PTK7: variants seen among roughly 807,000 people sequenced by gnomAD.
PTK7 encodes the protein inactive tyrosine-protein kinase 7.
PTK7 carries 39 observed loss-of-function variants against 116.6 expected under a neutral mutation model. The observed-to-expected ratio is 0.33, with a 90% CI of 0.26 to 0.44. PTK7 has a LOEUF of 0.44. Among genes scored for constraint, PTK7 ranks in the 20% least tolerant of loss-of-function variants. The pLI is 1.00. For missense variants in PTK7, 1,169 were observed against 1,425.6 expected (o/e 0.82, Z 2.90); for synonymous variants, 546 against 563.6 (o/e 0.97, Z 0.44).
intron 15 of PTK7, chr6:43,144,871 T>G (rs955871353): frequency 1.3e-4 from 54 of 426,770 alleles, no homozygotes; most frequent in African/African-American, 1.1e-3. Context: ...AAAAACTAAG[T>G]TACCATTGTT....
rs1275587005 is a variant in PTK7, at chr6:43,143,653, T to C, written c.2251+33T>C. The C allele has an allele frequency of 1.9e-6, 3 of 1,595,090 alleles. No homozygotes were observed. Among genetic ancestry groups the C allele is most frequent in the Non-Finnish European group, 2.6e-6 (3 of 1,172,384 alleles). On this transcript the variant is annotated intron_variant, in intron 14 of 19. Transcript: ENST00000230419. This position sits in a 1 kb window ranked among gnomAD's most constrained non-coding sequence, Gnocchi z 4.2. ...GCCCTGGACGGGGAGGTGGTGCCCG[T>C]GTGCGGGAGCTGAGCGCCCTCCCGC...
Position 43,139,508 on chromosome 6 carries a change from T to C in PTK7, c.1601T>C (p.Ile534Thr). ...CSATGREKPT[I>T]KWERADGSSL... ...GCCACAGGCCGAGAGAAGCCCACTA[T>C]TAAGTGGGAACGGGCAGGTGGGTAC... The change falls in exon 10 of 20, where the codon ATT (isoleucine) becomes ACT (threonine). Residue 534 changes from isoleucine to threonine, a missense_variant. Coordinates refer to ENST00000230419, the MANE Select transcript of PTK7 (RefSeq NM_002821.5). This position sits in a 1 kb window ranked among gnomAD's most constrained non-coding sequence, Gnocchi z 4.6. The C allele has an allele frequency of 3.7e-6, 6 of 1,614,114 alleles. No homozygotes were observed. The highest frequency in any genetic ancestry group is 5.1e-6 in the Non-Finnish European group (6 of 1,180,012).
At chr6:43,108,575 ATAT>A (rs1009961941) in intron 1 of PTK7, among the ~76,000 whole-genome samples, 4 of 148,574 alleles carry the variant, frequency 2.7e-5, no homozygotes, top group Non-Finnish European at 6.0e-5. Flanking sequence ...AATTTCTGTA[ATAT>A]TTTTGTAGAG....
chr6:43,136,621 G>C (rs1013013142), intron 7 of PTK7, among the ~76,000 whole-genome samples: 1 of 152,132 alleles, frequency 6.6e-6, no homozygotes, highest in South Asian at 2.1e-4. Context: ...GCTGGGTTCC[G>C]AGAGGGCAAA....
chr6:43,123,568 A>T (rs1264844522), intron 1 of PTK7, among the ~76,000 whole-genome samples: 1 of 150,922 alleles, frequency 6.6e-6, no homozygotes, highest in Non-Finnish European at 1.5e-5. Context: ...CCCAGAGAGC[A>T]ACACGGAGGG....
Position 43,160,981 on chromosome 6 carries a change from C to T in PTK7, c.*100C>T. ...ATCCCTGTCCTCCTGGGCCCTGAGG[C>T]CCCTGCCCTAGTGCAACAGGCATTG... is the stretch of plus-strand genomic sequence containing the variant. On this transcript the variant is annotated 3_prime_UTR_variant, in exon 20 of 20. Coordinates refer to ENST00000230419, the MANE Select transcript of PTK7 (RefSeq NM_002821.5). 6.9e-7 allele frequency: 1 copy of T among 1,452,110 alleles called. No homozygotes were observed. The highest frequency in any genetic ancestry group is 1.3e-5 in the South Asian group (1 of 75,300). The allele number at this position is 1,452,110 out of a possible 1,614,324, so 90.0% of individuals were successfully genotyped here.
intron 17 of PTK7, among the ~76,000 whole-genome samples, chr6:43,157,657 G>T (rs1173232177): frequency 6.6e-6 from 1 of 151,912 alleles, no homozygotes; most frequent in Non-Finnish European, 1.5e-5. Context: ...AAGGCAGGAG[G>T]ATCGCTTGAG....
intron 1 of PTK7, among the ~76,000 whole-genome samples, chr6:43,108,653 C>T (rs144566792): frequency 0.014 from 2,138 of 151,592 alleles, 27 homozygotes; most frequent in Non-Finnish European, 0.021. Flanking sequence ...CCACCCGCCT[C>T]GGCCTCCCAA....
At chr6:43,126,180 TGTG>T (rs1169446077) in intron 1 of PTK7, among the ~76,000 whole-genome samples, 1 of 151,610 alleles carries the variant, frequency 6.6e-6, no homozygotes, top group African/African-American at 2.4e-5. Flanking sequence ...ATTAGCCAGG[TGTG>T]GTGGTGCGTA....
intron 1 of PTK7, among the ~76,000 whole-genome samples, chr6:43,108,684 G>A (rs1768033581): frequency 6.6e-6 from 1 of 152,262 alleles, no homozygotes; most frequent in African/African-American, 2.4e-5. Context: ...TTCCAGGCAT[G>A]AGCCACTGTG....
intron 1 of PTK7, among the ~76,000 whole-genome samples, chr6:43,123,989 TG>T (rs1284576006): frequency 6.6e-6 from 1 of 152,124 alleles, no homozygotes; most frequent in East Asian, 1.9e-4. Flanking sequence ...GAGGCAGGGC[TG>T]TTTGGCAGCA....
chr6:43,095,272 T>C (rs1767184367), intron 1 of PTK7, among the ~76,000 whole-genome samples: 1 of 148,650 alleles, frequency 6.7e-6, no homozygotes, highest in African/African-American at 2.5e-5. Context: ...CTTGAGAGGC[T>C]AAGGCAGGAG....
chr6:43,134,917 T>C (rs1447112753), intron 7 of PTK7, among the ~76,000 whole-genome samples: 1 of 152,012 alleles, frequency 6.6e-6, no homozygotes, highest in African/African-American at 2.4e-5. Context: ...ACTACTGTAC[T>C]GGAGCCTGGA....
At chr6:43,110,727 A>G (rs185330764) in intron 1 of PTK7, among the ~76,000 whole-genome samples, 1 of 152,134 alleles carries the variant, frequency 6.6e-6, no homozygotes, top group South Asian at 2.1e-4. Flanking sequence ...AACAGTTTTT[A>G]TGAATGATTT....
intron 5 of PTK7, 22 bp from the exon 6 acceptor site, chr6:43,131,994 A>G: frequency 6.2e-7 from 1 of 1,613,350 alleles, no homozygotes; most frequent in Non-Finnish European, 8.5e-7. Context: ...ACTTTCTCCA[A>G]ATTGCACTCT....
chr6:43,099,549 G>A (rs752374407), intron 1 of PTK7, among the ~76,000 whole-genome samples: 1 of 152,028 alleles, frequency 6.6e-6, no homozygotes, highest in Non-Finnish European at 1.5e-5. Context: ...TACATTCTAG[G>A]TACCCAGTAG....
intron 17 of PTK7, among the ~76,000 whole-genome samples, chr6:43,157,865 T>A (rs555977689): frequency 6.6e-6 from 1 of 152,148 alleles, no homozygotes; most frequent in Non-Finnish European, 1.5e-5. Context: ...TAGCTGGGAT[T>A]ATAGGCATGT....
intron 1 of PTK7, among the ~76,000 whole-genome samples, chr6:43,096,677 T>G (rs1045985630): frequency 3.9e-5 from 6 of 152,222 alleles, no homozygotes; most frequent in Non-Finnish European, 5.9e-5. Context: ...CTTTTGCTGC[T>G]GCCCTGGGTG....
chr6:43,101,257 G>A (rs564043659), intron 1 of PTK7, among the ~76,000 whole-genome samples: 7 of 138,020 alleles, frequency 5.1e-5, no homozygotes, highest in East Asian at 4.5e-4. Context: ...GGCTGGGCGC[G>A]GTGGAAAGAA....
Sources: gnomAD v4.1 joint callset for allele counts (sites outside exome capture counted in the v4.1 genomes callset) on GRCh38, gnomAD v4.1.1 for gene constraint, Gnocchi (gnomAD v3.1) non-coding constraint, MANE v1.5 for transcripts, NCBI Gene and HGNC (gene_info 2026-07-23, HGNC 2026-07-21) for gene names.